AGBL4: variants seen among roughly 807,000 people sequenced by gnomAD.
The protein encoded by AGBL4 is AGBL carboxypeptidase 4.
Under a neutral mutation model 66.4 loss-of-function variants are expected in AGBL4, and 58 were observed. The ratio of observed to expected loss-of-function variants is 0.87; its 90% CI spans 0.71 to 1.09. The LOEUF (loss-of-function observed/expected upper bound fraction) is 1.09. Among genes scored for constraint, AGBL4 ranks in the 50% least tolerant of loss-of-function variants. AGBL4 has a pLI of 0.00. For missense variants in AGBL4, 579 were observed against 631.0 expected (o/e 0.92, Z 0.88); for synonymous variants, 234 against 222.9 (o/e 1.05, Z -0.44).
intron 6 of AGBL4, among the ~76,000 whole-genome samples, chr1:48,764,986 C>T (rs531337659): frequency 2.6e-5 from 4 of 152,288 alleles, no homozygotes; most frequent in African/African-American, 9.6e-5. Flanking sequence ...CTCATTCCCC[C>T]ACCAGCTATA....
At chr1:49,882,171 C>T (rs1222677361) in intron 1 of AGBL4, among the ~76,000 whole-genome samples, 1 of 151,278 alleles carries the variant, frequency 6.6e-6, no homozygotes, top group Non-Finnish European at 1.5e-5. Context: ...TTGTTTTTCT[C>T]AGGTTTGTCA....
chr1:48,679,211 A>G (rs2148477346), intron 6 of AGBL4, among the ~76,000 whole-genome samples: 1 of 152,340 alleles, frequency 6.6e-6, no homozygotes, highest in South Asian at 2.1e-4. Context: ...ATGTAAGAGA[A>G]TCAGAAGGCC....
chr1:48,689,611 A>G (rs1405963817), intron 6 of AGBL4, among the ~76,000 whole-genome samples: 3 of 152,182 alleles, frequency 2.0e-5, no homozygotes, highest in African/African-American at 7.2e-5. Flanking sequence ...AGCAGCTGGG[A>G]AATGGGTATA....
At chr1:48,874,475 T>A (rs568632776) in intron 5 of AGBL4, among the ~76,000 whole-genome samples, 4 of 152,326 alleles carry the variant, frequency 2.6e-5, no homozygotes, top group African/African-American at 7.2e-5. Context: ...TTTCTTTGAA[T>A]AATTTAATGA....
chr1:49,469,844 T>G (rs1223226142), intron 3 of AGBL4: 1 of 151,946 alleles, frequency 6.6e-6, no homozygotes, highest in Non-Finnish European at 1.5e-5. Flanking sequence ...GCATCCATTT[T>G]ATCTTTTAAT....
chr1:48,908,541 G>A (rs1158248904), intron 5 of AGBL4, among the ~76,000 whole-genome samples: 2 of 152,194 alleles, frequency 1.3e-5, no homozygotes, highest in Non-Finnish European at 2.9e-5. Context: ...ATGGAAGTAA[G>A]AATATTTTAG....
At chr1:49,321,136 G>C (rs2148476230) in intron 3 of AGBL4, among the ~76,000 whole-genome samples, 1 of 152,200 alleles carries the variant, frequency 6.6e-6, no homozygotes, top group South Asian at 2.1e-4. Flanking sequence ...AGTCTCTGAG[G>C]TTACCTCCAC....
chr1:48,753,416 AGAAGCATTT>A (rs1237511861), intron 6 of AGBL4, among the ~76,000 whole-genome samples: 1 of 152,232 alleles, frequency 6.6e-6, no homozygotes, highest in African/African-American at 2.4e-5. Context: ...AAAACCAGCA[AGAAGCATTT>A]GGCTGACATC....
intron 3 of AGBL4, among the ~76,000 whole-genome samples, chr1:49,546,783 C>T (rs1419092822): frequency 6.6e-6 from 1 of 152,116 alleles, no homozygotes; most frequent in Non-Finnish European, 1.5e-5. Flanking sequence ...GTTTCATATG[C>T]TTATTAGCCA....
At chr1:48,907,424 G>C (rs12047321) in intron 5 of AGBL4, among the ~76,000 whole-genome samples, 1 of 152,216 alleles carries the variant, frequency 6.6e-6, no homozygotes, top group Admixed American at 6.5e-5. Flanking sequence ...AAAGGTCCAC[G>C]TGTTTCTCAA....
chr1:49,197,325 G>A (rs1192852910), intron 4 of AGBL4, among the ~76,000 whole-genome samples: 2 of 152,184 alleles, frequency 1.3e-5, no homozygotes, highest in Non-Finnish European at 2.9e-5. Flanking sequence ...GGTTGTGTGA[G>A]CAACAGTGGT....
At chr1:49,082,060 G>T (rs1644818540) in intron 4 of AGBL4, among the ~76,000 whole-genome samples, 1 of 152,184 alleles carries the variant, frequency 6.6e-6, no homozygotes, top group African/African-American at 2.4e-5. Context: ...AGATGCCAAG[G>T]ATGTTAATCT....
chr1:48,557,832 A>T (rs1269467280), intron 11 of AGBL4, among the ~76,000 whole-genome samples: 2 of 152,166 alleles, frequency 1.3e-5, no homozygotes, highest in Non-Finnish European at 2.9e-5. Flanking sequence ...AAAGAAGCGC[A>T]CAGCTCAGGA....
At chr1:48,686,677 G>C (rs1025410676) in intron 6 of AGBL4, among the ~76,000 whole-genome samples, 12 of 152,206 alleles carry the variant, frequency 7.9e-5, no homozygotes, top group Admixed American at 3.3e-4. Context: ...ACACGGTGGG[G>C]ACTTTCGGCC....
intron 1 of AGBL4, among the ~76,000 whole-genome samples, chr1:49,996,402 T>A (rs1660371442): frequency 6.6e-6 from 1 of 151,828 alleles, no homozygotes; most frequent in East Asian, 1.9e-4. Flanking sequence ...AAAAACACAC[T>A]TAGAGAAATG....
At chr1:48,897,144 C>G (rs1309315867) in intron 5 of AGBL4, among the ~76,000 whole-genome samples, 2 of 151,808 alleles carry the variant, frequency 1.3e-5, no homozygotes, top group Admixed American at 1.3e-4. Context: ...CCTACTCCAT[C>G]CCCTCCTTTC....
intron 3 of AGBL4, among the ~76,000 whole-genome samples, chr1:49,611,105 C>A (rs577500275): frequency 6.6e-6 from 1 of 152,196 alleles, no homozygotes; most frequent in African/African-American, 2.4e-5. Context: ...GTTACCAAAA[C>A]CTGGAGAATG....
At position 49,128,889 on chromosome 1, in the gene AGBL4, A is replaced by G. The variant is rs1343644190; in HGVS notation, c.378-83089T>C. ...AAAATGGACTATATAAAAATTAAAT[A>G]TGTCTGATTTTTGAAAAAAATTCAG... On this transcript the variant is annotated intron_variant, in intron 4 of 13. Coordinates refer to ENST00000371839, the MANE Select transcript of AGBL4 (RefSeq NM_032785.4). Among the ~76,000 whole-genome samples the G allele has an allele frequency of 2.6e-5, 4 of 152,004 alleles. No individual in the cohort carries two copies. The South Asian group carries it at 8.3e-4, about 31-fold the overall frequency.
At chr1:49,939,924 A>G (rs1364970697) in intron 1 of AGBL4, among the ~76,000 whole-genome samples, 4 of 152,112 alleles carry the variant, frequency 2.6e-5, no homozygotes, top group African/African-American at 9.7e-5. Flanking sequence ...AACCTATAAA[A>G]TGGGAGAAAA....
Sources: allele counts gnomAD v4.1 joint callset (sites outside exome capture counted in the v4.1 genomes callset), GRCh38; gene constraint gnomAD v4.1.1; transcripts MANE v1.5; gene names NCBI Gene and HGNC (gene_info 2026-07-23, HGNC 2026-07-21).